The following HCN1 variants were observed in gnomAD, a reference collection of about 807,000 sequenced individuals.
The protein encoded by HCN1 is hyperpolarization activated cyclic nucleotide gated potassium channel 1.
A neutral mutation model predicts 78.9 loss-of-function variants in HCN1; 13 were observed. The ratio of observed to expected loss-of-function variants is 0.16; its 90% CI spans 0.11 to 0.26. The LOEUF is 0.26. HCN1 is among the 10% of genes least tolerant of loss of function. The probability of loss-of-function intolerance (pLI) is 1.00; values close to 1 mark genes in which losing one functional copy is unlikely to be tolerated. For synonymous variants in HCN1, 552 were observed against 455.5 expected, an observed-to-expected ratio of 1.21 and a Z score of -2.70; for missense variants, 810 against 1,154.3, an observed-to-expected ratio of 0.70 and a Z score of 4.32.
chr5:45,412,173 T>C (rs1740037397), intron 3 of HCN1, among the ~76,000 whole-genome samples: 1 of 152,144 alleles, frequency 6.6e-6, no homozygotes, highest in East Asian at 1.9e-4. Flanking sequence ...GTGCATAGCT[T>C]CTGTGACTCA....
intron 5 of HCN1, among the ~76,000 whole-genome samples, chr5:45,326,780 T>C (rs539239059): frequency 1.3e-5 from 2 of 151,754 alleles, no homozygotes; most frequent in East Asian, 3.9e-4. Context: ...GGCCCTGAGG[T>C]ATTTAATCAC....
chr5:45,456,543 T>C (rs374877357), intron 3 of HCN1, among the ~76,000 whole-genome samples: 10 of 152,120 alleles, frequency 6.6e-5, no homozygotes, highest in African/African-American at 2.4e-4. Flanking sequence ...GAAATACCCT[T>C]GACTTGGGTT....
At chr5:45,603,922 A>T (rs1744674719) in intron 2 of HCN1, among the ~76,000 whole-genome samples, 1 of 152,106 alleles carries the variant, frequency 6.6e-6, no homozygotes. Flanking sequence ...ATTATTGAAT[A>T]GGTTTATTTC....
At chr5:45,425,979 T>A (rs559991020) in intron 3 of HCN1, among the ~76,000 whole-genome samples, 1 of 152,254 alleles carries the variant, frequency 6.6e-6, no homozygotes, top group South Asian at 2.1e-4. Flanking sequence ...AGCTGATTAA[T>A]GGTGTTGTTG....
At chr5:45,521,971 TAGATG>T (rs1742622159) in intron 2 of HCN1, among the ~76,000 whole-genome samples, 1 of 151,988 alleles carries the variant, frequency 6.6e-6, no homozygotes, top group Non-Finnish European at 1.5e-5. Context: ...TTACTTGTTA[TAGATG>T]AGATTGATTT....
chr5:45,674,760 A>C (rs1230608895), intron 1 of HCN1, among the ~76,000 whole-genome samples: 1 of 151,858 alleles, frequency 6.6e-6, no homozygotes, highest in African/African-American at 2.4e-5. Flanking sequence ...ATAAGAAAGT[A>C]TAGAATAAAT....
At chr5:45,520,439 C>T (rs1012427946) in intron 2 of HCN1, among the ~76,000 whole-genome samples, 9 of 152,014 alleles carry the variant, frequency 5.9e-5, no homozygotes, top group African/African-American at 2.2e-4. Flanking sequence ...ATTTATGCAA[C>T]TTGTCTTATT....
rs915738837 is a variant in HCN1 at position 45,352,077 on chromosome 5, G to A, written c.1377+1023C>T. On this transcript the variant is annotated intron_variant, in intron 5 of 7. Coordinates refer to ENST00000303230, the MANE Select transcript of HCN1 (RefSeq NM_021072.4). ...TGCTGCCATAAAGACAGATGCACACGTATGTTTATTGCGGCACTATTCCCA... is the reference window on the plus strand; with the variant it reads ...TGCTGCCATAAAGACAGATGCACACATATGTTTATTGCGGCACTATTCCCA... Among the ~76,000 whole-genome samples the A allele has an allele frequency of 2.0e-5, 3 of 152,112 alleles. 1 individual carries two copies. Among genetic ancestry groups the A allele is most frequent in the Admixed American group, 1.3e-4 (2 of 15,268 alleles).
At chr5:45,391,760 T>C (rs1739563764) in intron 4 of HCN1, among the ~76,000 whole-genome samples, 1 of 152,110 alleles carries the variant, frequency 6.6e-6, no homozygotes, top group South Asian at 2.1e-4. Context: ...AGAAAGCAGA[T>C]TGAATATTTC....
intron 2 of HCN1, among the ~76,000 whole-genome samples, chr5:45,631,389 A>T (rs933924870): frequency 6.6e-6 from 1 of 152,154 alleles, no homozygotes; most frequent in Non-Finnish European, 1.5e-5. Flanking sequence ...CTCCCTGTCA[A>T]AATGACTGGC....
At chr5:45,678,768 T>G (rs1413074981) in intron 1 of HCN1, among the ~76,000 whole-genome samples, 1 of 152,064 alleles carries the variant, frequency 6.6e-6, no homozygotes, top group African/African-American at 2.4e-5. Context: ...TAAAGAAGTT[T>G]TGTTTCTTTT....
intron 2 of HCN1, among the ~76,000 whole-genome samples, chr5:45,509,479 C>A (rs923578024): frequency 1.3e-5 from 2 of 152,144 alleles, no homozygotes; most frequent in Non-Finnish European, 2.9e-5. Flanking sequence ...GCAGGTTGAG[C>A]ATGAACTGCA....
chr5:45,648,026 GATT>G (rs142467053), intron 1 of HCN1, among the ~76,000 whole-genome samples: 2,679 of 152,214 alleles, frequency 0.018, 36 homozygotes, highest in Non-Finnish European at 0.024. Flanking sequence ...GTTCAAAGAA[GATT>G]ATTACAGAGC....
chr5:45,562,236 G>T (rs1743619755), intron 2 of HCN1, among the ~76,000 whole-genome samples: 1 of 152,092 alleles, frequency 6.6e-6, no homozygotes, highest in African/African-American at 2.4e-5. Flanking sequence ...TACACATTTT[G>T]TGGTTTCATA....
At chr5:45,373,862 A>ACC (rs1747503535) in intron 4 of HCN1, among the ~76,000 whole-genome samples, 1 of 134,094 alleles carries the variant, frequency 7.5e-6, no homozygotes, top group Non-Finnish European at 1.6e-5. Flanking sequence ...TATATACGTC[A>ACC]TCTATAATAT....
chr5:45,573,886 CA>C (rs1222945380), intron 2 of HCN1, among the ~76,000 whole-genome samples: 2 of 151,550 alleles, frequency 1.3e-5, no homozygotes, highest in East Asian at 3.9e-4. Context: ...GCTTTCTGAA[CA>C]AAAAAAGATA....
chr5:45,281,025 A>T (rs1454503691), intron 6 of HCN1, among the ~76,000 whole-genome samples: 1 of 152,102 alleles, frequency 6.6e-6, no homozygotes, highest in Non-Finnish European at 1.5e-5. Context: ...GCAAAAAAAA[A>T]AAATACAGAA....
chr5:45,523,470 C>A (rs1246334832), intron 2 of HCN1, among the ~76,000 whole-genome samples: 3 of 152,198 alleles, frequency 2.0e-5, no homozygotes, highest in East Asian at 1.9e-4. Flanking sequence ...TTTACAGTCC[C>A]ACCAACAGTG....
At chr5:45,565,105 G>A (rs1743679888) in intron 2 of HCN1, among the ~76,000 whole-genome samples, 1 of 152,180 alleles carries the variant, frequency 6.6e-6, no homozygotes, top group South Asian at 2.1e-4. Context: ...AGATTTAAGG[G>A]CTGGTCCAAT....
Sources: allele counts gnomAD v4.1 joint callset (sites outside exome capture counted in the v4.1 genomes callset), GRCh38; gene constraint gnomAD v4.1.1; transcripts MANE v1.5; gene names NCBI Gene and HGNC (gene_info 2026-07-23, HGNC 2026-07-21).